CREBBP: variants seen among roughly 807,000 people sequenced by gnomAD.
The protein encoded by CREBBP is CREB-binding protein.
In CREBBP, 19 loss-of-function variants were observed where a neutral mutation model predicts 265.0. The ratio of observed to expected loss-of-function variants is 0.07; its 90% CI spans 0.05 to 0.11. The LOEUF is 0.11. Among genes scored for constraint, CREBBP ranks in the 10% least tolerant of loss-of-function variants. CREBBP has a pLI of 1.00. For missense variants in CREBBP, 2,525 were observed against 3,219.0 expected, an observed-to-expected ratio of 0.78 and a Z score of 5.22; for synonymous variants, 1,457 against 1,223.7, an observed-to-expected ratio of 1.19 and a Z score of -3.98.
rs116889738 is a variant in CREBBP at position 3,821,987 on chromosome 16, G to C, written c.799-11208C>G. 2.7e-3 allele frequency among the ~76,000 whole-genome samples: 410 copies of C among 152,252 alleles called. 14 individuals carry two copies. The East Asian group carries it at 0.07, about 26-fold the overall frequency. On this transcript the variant is annotated intron_variant, in intron 2 of 30. Transcript: ENST00000262367. ...GAGAATCACTTGAACCCTGGGAGTA[G>C]GAGGTTGCAGTGAGCCAAGATTGCA...
At chr16:3,730,154 T>C (rs2051875083) in intron 30 of CREBBP, among the ~76,000 whole-genome samples, 1 of 152,138 alleles carries the variant, frequency 6.6e-6, no homozygotes. Context: ...GGACCTTCAC[T>C]CCTGGCAACA....
chr16:3,732,050 C>G (rs1294606372), intron 28 of CREBBP, 113 bp from the exon 29 acceptor site: 18 of 1,586,478 alleles, frequency 1.1e-5, no homozygotes, highest in Non-Finnish European at 1.3e-5. Context: ...TAGGTCACCA[C>G]CAGGCAGACC....
chr16:3,764,909 A>T, intron 16 of CREBBP, among the ~76,000 whole-genome samples: 1 of 152,298 alleles, frequency 6.6e-6, no homozygotes, highest in South Asian at 2.1e-4. Flanking sequence ...TGAGATAGTA[A>T]AAAGTATTCC....
intron 21 of CREBBP, 81 bp downstream of exon 21, chr16:3,749,546 C>T (rs1313237839): frequency 1.1e-6 from 1 of 915,772 alleles, no homozygotes; most frequent in African/African-American, 1.6e-5. Context: ...AATGTTTTTA[C>T]CCACAACCCA....
At chr16:3,872,232 TA>T (rs899434863) in intron 1 of CREBBP, among the ~76,000 whole-genome samples, 3 of 152,038 alleles carry the variant, frequency 2.0e-5, no homozygotes, top group South Asian at 2.1e-4. Context: ...AGGAACTTAA[TA>T]AAAAAAACTT....
At chr16:3,779,015 A>G (rs1467757755) in intron 8 of CREBBP, among the ~76,000 whole-genome samples, 198 bp from the exon 9 acceptor site, 2 of 151,864 alleles carry the variant, frequency 1.3e-5, no homozygotes, top group East Asian at 1.9e-4. Flanking sequence ...AAAAATACAA[A>G]AATTAGCTGG....
At chr16:3,814,824 C>A (rs1005775333) in intron 2 of CREBBP, among the ~76,000 whole-genome samples, 3 of 152,134 alleles carry the variant, frequency 2.0e-5, no homozygotes, top group Non-Finnish European at 4.4e-5. Flanking sequence ...ATGATAAAAA[C>A]AAAACCCAGG....
chr16:3,743,849 C>G (rs1318222380), intron 23 of CREBBP: 1 of 152,090 alleles, frequency 6.6e-6, no homozygotes, highest in East Asian at 1.9e-4. Flanking sequence ...GAGGCCGAGG[C>G]GGGCGGATCA....
intron 2 of CREBBP, among the ~76,000 whole-genome samples, chr16:3,819,297 A>T (rs2054098254): frequency 6.6e-6 from 1 of 152,250 alleles, no homozygotes; most frequent in African/African-American, 2.4e-5. Context: ...CATCTGTAAA[A>T]TGGAGATCAC....
intron 16 of CREBBP, among the ~76,000 whole-genome samples, chr16:3,766,427 T>C (rs2052853999): frequency 1.3e-5 from 2 of 152,236 alleles, no homozygotes; most frequent in South Asian, 4.1e-4. Flanking sequence ...GCCACTATTC[T>C]TACTTATTTT....
At chr16:3,736,854 G>A (rs130012) in intron 26 of CREBBP, 39 bp from the exon 27 acceptor site, 6 of 1,612,836 alleles carry the variant, frequency 3.7e-6, no homozygotes, top group South Asian at 1.1e-5. Flanking sequence ...GAACGTGCCA[G>A]TGAAATCGGC....
At chr16:3,756,896 A>C (rs2052598629) in intron 19 of CREBBP, among the ~76,000 whole-genome samples, 1 of 152,188 alleles carries the variant, frequency 6.6e-6, no homozygotes, top group African/African-American at 2.4e-5. Flanking sequence ...CTGAAGAAAT[A>C]ACGTACCTAA....
Position 3,726,460 on chromosome 16 carries a change from G to A in CREBBP, c.*1258C>T, listed in dbSNP as rs1372849979. 4.3e-6 allele frequency: 1 copy of A among 233,202 alleles called. No individual in the cohort carries two copies. Among genetic ancestry groups the A allele is most frequent in the African/African-American group, 2.2e-5 (1 of 45,296 alleles). The allele number at this position is 233,202 out of a possible 1,614,324, so 14.4% of individuals were successfully genotyped here. ...CAGTCTCCGGGAAGAAAAGCCTCCG[G>A]GCGGCCGCTAAGCCTGGGCCACAGT... On this transcript the variant is annotated 3_prime_UTR_variant, in exon 31 of 31. Transcript: ENST00000262367.
rs2051722393 is a variant in CREBBP, at chr16:3,725,628, ATGG to A, written c.*2087_*2089del. ...AATGGGGGCTGGTCAGGGGTGCCAG[ATGG>A]TGGTCTTATTTTTACTTGAATTATT... On this transcript the variant is annotated 3_prime_UTR_variant, in exon 31 of 31. Transcript: ENST00000262367. The A allele has an allele frequency of 4.3e-6, 1 of 233,288 alleles. No individual in the cohort carries two copies. The highest frequency in any genetic ancestry group is 1.3e-3 in the Middle Eastern group (1 of 786). 14.5% of individuals were successfully genotyped at this position (233,288 alleles called of 1,614,324 possible). A position where few individuals can be genotyped will look rare whatever the true frequency, so the allele number is the denominator to read the frequency against.
rs1327618998 is a variant in CREBBP at position 3,850,654 on chromosome 16, G to A, written c.441C>T (p.Ala147=). ...AASTSGPTPA[A]SQALNPQAQK... is the part of the protein sequence containing the mutation. ...GTGCTTGCGGATTCAGTGCTTGGGAGGCAGCGGGGGTGGGCCCAGAGGTGC... is the reference window on the plus strand; with the variant it reads ...GTGCTTGCGGATTCAGTGCTTGGGAAGCAGCGGGGGTGGGCCCAGAGGTGC... The change falls in exon 2 of 31, where the codon GCC becomes GCT. Residue 147 remains alanine, a synonymous_variant. Transcript: ENST00000262367. The A allele has an allele frequency of 1.9e-6, 3 of 1,614,108 alleles. No individual in the cohort carries two copies. The highest frequency in any genetic ancestry group is 2.5e-6 in the Non-Finnish European group (3 of 1,180,054).
intron 14 of CREBBP, among the ~76,000 whole-genome samples, 158 bp downstream of exon 14, chr16:3,770,412 T>C (rs953437647): frequency 2.2e-4 from 33 of 152,014 alleles, no homozygotes; most frequent in African/African-American, 8.0e-4. Flanking sequence ...CCCAGGATGG[T>C]CTTGAACTCA....
At chr16:3,804,429 C>T (rs1277384747) in intron 3 of CREBBP, among the ~76,000 whole-genome samples, 12 of 152,060 alleles carry the variant, frequency 7.9e-5, no homozygotes, top group Admixed American at 1.3e-4. Flanking sequence ...TTTTTGGTGA[C>T]GTGAACCTCA....
At chr16:3,791,270 G>GGGAGCCCC in intron 5 of CREBBP, 1 of 152,888 alleles carries the variant, frequency 6.5e-6, no homozygotes, top group East Asian at 1.9e-4. Flanking sequence ...ACAAATGGCA[G>GGGAGCCCC]GGAGCCCCAG....
chr16:3,746,280 G>A (rs1384797500), intron 21 of CREBBP, among the ~76,000 whole-genome samples: 1 of 151,994 alleles, frequency 6.6e-6, no homozygotes, highest in Non-Finnish European at 1.5e-5. Context: ...CCTCAGCCAT[G>A]GGTCTACCCT....
Sources: gnomAD v4.1 joint callset for allele counts (sites outside exome capture counted in the v4.1 genomes callset) on GRCh38, gnomAD v4.1.1 for gene constraint, MANE v1.5 for transcripts, NCBI Gene and HGNC (gene_info 2026-07-23, HGNC 2026-07-21) for gene names.